Variants in AUTS2 observed in about 807,000 individuals in gnomAD.
AUTS2 encodes autism susceptibility gene 2 protein.
In AUTS2, 17 loss-of-function variants were observed where a neutral mutation model predicts 112.4. That is an observed-to-expected ratio of 0.15 (90% CI 0.10 to 0.23). The LOEUF is 0.23. AUTS2 is among the 10% of genes least tolerant of loss of function. The pLI is 1.00. For missense variants in AUTS2, 1,510 were observed against 1,701.6 expected (o/e 0.89, Z 1.98); for synonymous variants, 751 against 702.7 (o/e 1.07, Z -1.09).
chr7:70,496,875 T>C (rs1397215751), intron 5 of AUTS2, among the ~76,000 whole-genome samples: 4 of 74,108 alleles, frequency 5.4e-5, no homozygotes, highest in Non-Finnish European at 1.0e-4. Context: ...CCCACACACA[T>C]GCACACGTCA....
At position 69,954,939 on chromosome 7, in the gene AUTS2, C is replaced by T. The variant is rs56086410; in HGVS notation, c.522+55441C>T. The stretch of plus-strand genomic sequence containing the variant: ...GATTTTGGGGGTTGTCTGTAAGAAC[C>T]CATCATGATGGCTGGAACAGCTCTT... On this transcript the variant is annotated intron_variant, in intron 2 of 18. Transcript: ENST00000342771. Among the ~76,000 whole-genome samples, 251 of 152,238 alleles carry T rather than the reference C, an allele frequency of 1.6e-3. 1 individual carries two copies. The highest frequency in any genetic ancestry group is 5.8e-3 in the African/African-American group (239 of 41,558).
At chr7:69,911,578 G>GA (rs1795360859) in intron 2 of AUTS2, among the ~76,000 whole-genome samples, 1 of 152,148 alleles carries the variant, frequency 6.6e-6, no homozygotes, top group South Asian at 2.1e-4. Flanking sequence ...TTGATCCACA[G>GA]AACAGCTCCC....
At chr7:69,738,085 G>A (rs1787110299) in intron 1 of AUTS2, among the ~76,000 whole-genome samples, 1 of 151,878 alleles carries the variant, frequency 6.6e-6, no homozygotes, top group Non-Finnish European at 1.5e-5. Context: ...TTCACTGACT[G>A]CTAAGCCAGG....
At chr7:70,223,026 T>A (rs181245265) in intron 4 of AUTS2, among the ~76,000 whole-genome samples, 24 of 152,116 alleles carry the variant, frequency 1.6e-4, no homozygotes, top group African/African-American at 5.5e-4. Flanking sequence ...TAGCTGGGAT[T>A]ACAGGTGCCC....
At chr7:70,001,833 C>T (rs1234718714) in intron 2 of AUTS2, among the ~76,000 whole-genome samples, 1 of 151,618 alleles carries the variant, frequency 6.6e-6, no homozygotes, top group Non-Finnish European at 1.5e-5. Context: ...GCCTCAGCCT[C>T]CTGAGTAGCT....
chr7:70,110,859 CTTTTTTT>C (rs71077618), intron 2 of AUTS2, among the ~76,000 whole-genome samples: 3 of 82,782 alleles, frequency 3.6e-5, no homozygotes, highest in Non-Finnish European at 6.3e-5. Flanking sequence ...TTCTTTCTTT[CTTTTTTT>C]TTTTTTTTTT....
At chr7:70,574,610 A>T (rs911168463) in intron 5 of AUTS2, among the ~76,000 whole-genome samples, 3 of 152,070 alleles carry the variant, frequency 2.0e-5, no homozygotes, top group African/African-American at 7.2e-5. Context: ...GAGTGCATGC[A>T]TGCTGGGTTT....
chr7:69,931,481 TG>T (rs1468111451), intron 2 of AUTS2, among the ~76,000 whole-genome samples: 4 of 152,186 alleles, frequency 2.6e-5, no homozygotes, highest in Non-Finnish European at 5.9e-5. Context: ...AGTTAACTAT[TG>T]TTTTGCCATT....
At chr7:70,001,547 C>T (rs1799192919) in intron 2 of AUTS2, among the ~76,000 whole-genome samples, 1 of 151,938 alleles carries the variant, frequency 6.6e-6, no homozygotes, top group African/African-American at 2.4e-5. Flanking sequence ...TGCATGTGAC[C>T]TCTCTGTAAA....
At chr7:69,845,854 A>G (rs1009113109) in intron 1 of AUTS2, among the ~76,000 whole-genome samples, 1 of 152,204 alleles carries the variant, frequency 6.6e-6, no homozygotes, top group African/African-American at 2.4e-5. Context: ...TGTAGTCAGC[A>G]CAACTCCTGG....
At chr7:70,296,235 T>C (rs1255247531) in intron 4 of AUTS2, among the ~76,000 whole-genome samples, 1 of 152,250 alleles carries the variant, frequency 6.6e-6, no homozygotes, top group Admixed American at 6.5e-5. Context: ...TTTGGAAGTA[T>C]CGCATAGTTG....
At chr7:69,770,741 T>C (rs1022665659) in intron 1 of AUTS2, among the ~76,000 whole-genome samples, 1 of 152,120 alleles carries the variant, frequency 6.6e-6, no homozygotes, top group Non-Finnish European at 1.5e-5. Context: ...CATTTCCCCC[T>C]CCAGGCCAGT....
At chr7:70,570,125 A>G (rs1467738731) in intron 5 of AUTS2, among the ~76,000 whole-genome samples, 2 of 152,210 alleles carry the variant, frequency 1.3e-5, no homozygotes, top group Non-Finnish European at 2.9e-5. Flanking sequence ...GACCTGGATG[A>G]AAGTGCAGCC....
At chr7:69,694,022 T>C (rs1017026198) in intron 1 of AUTS2, among the ~76,000 whole-genome samples, 18 of 152,218 alleles carry the variant, frequency 1.2e-4, no homozygotes, top group African/African-American at 4.3e-4. Context: ...CTGAATTTCA[T>C]GGGCAACACT....
intron 1 of AUTS2, among the ~76,000 whole-genome samples, chr7:69,645,075 A>T (rs1264719990): frequency 1.4e-5 from 2 of 139,718 alleles, no homozygotes; most frequent in Admixed American, 1.4e-4. Context: ...CACCCAGTTA[A>T]TTTTTTTTTT....
intron 5 of AUTS2, among the ~76,000 whole-genome samples, chr7:70,688,860 C>A (rs1053967904): frequency 1.3e-4 from 20 of 152,172 alleles, no homozygotes; most frequent in Non-Finnish European, 2.2e-4. Context: ...AGTAAGACAT[C>A]ATTTTTATAG....
intron 1 of AUTS2, among the ~76,000 whole-genome samples, chr7:69,848,517 G>C (rs949433937): frequency 1.3e-5 from 2 of 152,150 alleles, no homozygotes; most frequent in African/African-American, 2.4e-5. Flanking sequence ...CACACACACA[G>C]TGGCTTCCTG....
In AUTS2 at chr7:69,984,160, G is replaced by T. The variant is rs571640615; in HGVS notation, c.522+84662G>T. ...CTGCTGGGCGCAGTGGCTCACGCTT[G>T]TAATCCCAGCACTTTGGGAGGCCAA... On this transcript the variant is annotated intron_variant, in intron 2 of 18. Transcript: ENST00000342771. Among the ~76,000 whole-genome samples, 3 of 152,264 alleles carry T rather than the reference G, an allele frequency of 2.0e-5. No homozygotes were observed. In the South Asian group the frequency reaches 6.2e-4, roughly 32 times the overall value.
At chr7:70,542,778 C>T (rs183033011) in intron 5 of AUTS2, among the ~76,000 whole-genome samples, 1 of 152,264 alleles carries the variant, frequency 6.6e-6, no homozygotes, top group East Asian at 1.9e-4. Context: ...AGTAGCTGAG[C>T]CAGGTGTCTT....
Sources: allele counts gnomAD v4.1 joint callset (sites outside exome capture counted in the v4.1 genomes callset), GRCh38; gene constraint gnomAD v4.1.1; transcripts MANE v1.5; gene names NCBI Gene and HGNC (gene_info 2026-07-23, HGNC 2026-07-21).